Variants in CUX1 observed in about 807,000 individuals in gnomAD.
CUX1 encodes cut like homeobox 1, also known as protein CASP.
A neutral mutation model predicts 158.8 loss-of-function variants in CUX1; 31 were observed. The ratio of observed to expected loss-of-function variants is 0.20; its 90% CI spans 0.15 to 0.26. CUX1 has a LOEUF of 0.26. Among genes scored for constraint, CUX1 ranks in the 10% least tolerant of loss-of-function variants. CUX1 has a pLI of 1.00. For missense variants in CUX1, 1,589 were observed against 2,014.6 expected (o/e 0.79, Z 4.04); for synonymous variants, 879 against 862.1 (o/e 1.02, Z -0.34).
Position 102,251,169 on chromosome 7 carries a change from G to T in CUX1, c.*2127G>T. 3 of 981,266 alleles carry T rather than the reference G, an allele frequency of 3.1e-6. No homozygotes were observed. The highest frequency in any genetic ancestry group is 4.7e-5 in the South Asian group (1 of 21,188). 60.8% of individuals were successfully genotyped at this position (981,266 alleles called of 1,614,324 possible). ...TGTATCATTGAAACCTTTGTCTTAG[G>T]TCAACATCTTTGGATGACATTTTAA... On this transcript the variant is annotated 3_prime_UTR_variant, in exon 24 of 24. Transcript: ENST00000292535.
intron 2 of CUX1, among the ~76,000 whole-genome samples, chr7:101,950,160 C>A (rs760634663): frequency 6.6e-5 from 10 of 152,146 alleles, no homozygotes; most frequent in Non-Finnish European, 8.8e-5. Flanking sequence ...CAGGCACCCG[C>A]CACCACACCC....
At chr7:102,227,197 G>T (rs1356859408) in intron 20 of CUX1, among the ~76,000 whole-genome samples, 170 bp from the exon 21 acceptor site, 2 of 151,918 alleles carry the variant, frequency 1.3e-5, no homozygotes, top group Non-Finnish European at 2.9e-5. Flanking sequence ...AAGACTAGAG[G>T]TTACTCTCAG....
At chr7:102,263,011 C>CTTT (rs58568731), downstream of CUX1, among the ~76,000 whole-genome samples, 11 of 127,216 alleles carry the variant, frequency 8.6e-5, no homozygotes, top group Admixed American at 2.6e-4. Context: ...AAGGGTTAAA[C>CTTT]TTTTTTTTTT....
At chr7:102,170,659 T>C in intron 10 of CUX1, 109 bp downstream of exon 10, 1 of 734,762 alleles carries the variant, frequency 1.4e-6, no homozygotes, top group Non-Finnish European at 2.3e-6. Flanking sequence ...GGAATCACGT[T>C]TTAACTAGTA....
At chr7:101,846,881 C>T (rs896107792) in intron 1 of CUX1, among the ~76,000 whole-genome samples, 1 of 152,026 alleles carries the variant, frequency 6.6e-6, no homozygotes, top group Non-Finnish European at 1.5e-5. Context: ...GCTGTAATCC[C>T]AGCACTTTGG....
intron 2 of CUX1, among the ~76,000 whole-genome samples, chr7:101,970,573 T>C (rs985767047): frequency 6.6e-6 from 1 of 152,158 alleles, no homozygotes; most frequent in Admixed American, 6.6e-5. Flanking sequence ...CTTTCTTTTT[T>C]GAAAAGGAGT....
In CUX1 at chr7:102,256,017, T is replaced by G; in HGVS notation, c.*6975T>G. 1.0e-6 allele frequency: 1 copy of G among 985,476 alleles called. No individual in the cohort carries two copies. The highest frequency in any genetic ancestry group is 4.7e-5 in the South Asian group (1 of 21,292). The allele number at this position is 985,476 out of a possible 1,614,324, so 61.0% of individuals were successfully genotyped here. ...AGGTTATGAATGAGTTTGTTCACTG[T>G]AGTTCCGTTTGTTCATGAACCGAAG... On this transcript the variant is annotated 3_prime_UTR_variant, in exon 24 of 24. Transcript: ENST00000292535.
At chr7:102,178,955 C>A (rs543002193) in intron 11 of CUX1, among the ~76,000 whole-genome samples, 2 of 152,242 alleles carry the variant, frequency 1.3e-5, no homozygotes, top group Non-Finnish European at 2.9e-5. Context: ...GCCTCCGCCT[C>A]CCAGGTTCAA....
At chr7:102,200,976 G>A (rs1795357832) in intron 17 of CUX1, among the ~76,000 whole-genome samples, 1 of 142,336 alleles carries the variant, frequency 7.0e-6, no homozygotes, top group South Asian at 2.3e-4. Flanking sequence ...ACAGTGAGCC[G>A]TGATCGTGCC....
intron 2 of CUX1, among the ~76,000 whole-genome samples, chr7:102,000,369 A>G (rs2129273310): frequency 6.6e-6 from 1 of 152,366 alleles, no homozygotes; most frequent in Admixed American, 6.5e-5. Flanking sequence ...CAACTTGTCC[A>G]CAAAACCACT....
chr7:101,862,219 C>T lies in CUX1; in HGVS notation c.30+44550C>T, dbSNP rs1797532244. Reference sequence around the variant, plus strand: ...TGATATCTATTGACATAGTCAGAAACTCAAGAAACATCTATGGAGCATCTA... The same window carrying T: ...TGATATCTATTGACATAGTCAGAAATTCAAGAAACATCTATGGAGCATCTA... On this transcript the variant is annotated intron_variant, in intron 1 of 23. Coordinates refer to ENST00000292535, the MANE Select transcript of CUX1 (RefSeq NM_181552.4). 2.0e-5 allele frequency among the ~76,000 whole-genome samples: 3 copies of T among 151,766 alleles called. No individual in the cohort carries two copies. The South Asian group carries it at 6.2e-4, about 32-fold the overall frequency.
At chr7:102,090,475 C>T (rs1219993456) in intron 4 of CUX1, among the ~76,000 whole-genome samples, 2 of 151,912 alleles carry the variant, frequency 1.3e-5, no homozygotes, top group Admixed American at 1.3e-4. Flanking sequence ...GCAAGCTCCA[C>T]CTCCCAGGTT....
chr7:101,909,135 CCAGGAG>C (rs1803105280), intron 1 of CUX1, among the ~76,000 whole-genome samples: 5 of 151,786 alleles, frequency 3.3e-5, no homozygotes, highest in East Asian at 1.9e-4. Flanking sequence ...TCGCTTGAGG[CCAGGAG>C]TCCAGTTCAG....
chr7:101,892,226 G>T (rs1316294832), intron 1 of CUX1, among the ~76,000 whole-genome samples: 1 of 152,200 alleles, frequency 6.6e-6, no homozygotes, highest in Non-Finnish European at 1.5e-5. Context: ...TCAATGCTAG[G>T]TTTAGTATCG....
At chr7:102,103,304 C>T (rs1829979676) in intron 5 of CUX1, among the ~76,000 whole-genome samples, 1 of 152,186 alleles carries the variant, frequency 6.6e-6, no homozygotes, top group South Asian at 2.1e-4. Flanking sequence ...GCTTTATCCA[C>T]CTAGCACCAC....
intron 1 of CUX1, among the ~76,000 whole-genome samples, chr7:101,888,819 A>G (rs1800537575): frequency 6.6e-6 from 1 of 151,752 alleles, no homozygotes; most frequent in African/African-American, 2.4e-5. Flanking sequence ...TGAACTCTTG[A>G]CCTCAAGTGA....
chr7:101,854,505 G>A (rs577175297), intron 1 of CUX1, among the ~76,000 whole-genome samples: 2 of 152,190 alleles, frequency 1.3e-5, no homozygotes, highest in African/African-American at 4.8e-5. Flanking sequence ...TCTGGGTGGC[G>A]AGAACTTCCT....
chr7:102,122,106 T>C (rs1032881744), intron 8 of CUX1, among the ~76,000 whole-genome samples: 2 of 152,118 alleles, frequency 1.3e-5, no homozygotes, highest in Non-Finnish European at 2.9e-5. Context: ...TAGACAAATA[T>C]TGCATCCCCT....
At chr7:102,180,333 T>TC (rs1554513576) in intron 11 of CUX1, among the ~76,000 whole-genome samples, 1 of 149,898 alleles carries the variant, frequency 6.7e-6, no homozygotes, top group African/African-American at 2.5e-5. Context: ...TTTTTTTTTT[T>TC]TGAAACGGAG....
Sources: gnomAD v4.1 joint callset for allele counts (sites outside exome capture counted in the v4.1 genomes callset) on GRCh38, gnomAD v4.1.1 for gene constraint, MANE v1.5 for transcripts, NCBI Gene and HGNC (gene_info 2026-07-23, HGNC 2026-07-21) for gene names.